Variants in NSUN3 observed in about 807,000 individuals in gnomAD.
NSUN3 encodes the protein NOP2/Sun RNA methyltransferase 3.
In NSUN3, 24 loss-of-function variants were observed where a neutral mutation model predicts 36.8. That is an observed-to-expected ratio of 0.65 (90% CI 0.47 to 0.92). The LOEUF (loss-of-function observed/expected upper bound fraction) is 0.92, where lower values mean the gene tolerates loss of function less well. NSUN3 is among the 40% of genes least tolerant of loss of function. The pLI, the probability that NSUN3 is intolerant of heterozygous loss-of-function variation, is 0.00. For synonymous variants in NSUN3, 146 were observed against 145.2 expected (o/e 1.01, Z -0.04); for missense variants, 381 against 392.8 (o/e 0.97, Z 0.25).
intron 5 of NSUN3, among the ~76,000 whole-genome samples, chr3:94,124,119 A>T (rs192007372): frequency 6.7e-6 from 1 of 150,258 alleles, no homozygotes; most frequent in African/African-American, 2.4e-5. Context: ...AAACAATAGA[A>T]GTTTATTTTC....
chr3:94,122,147 C>T (rs147946360), intron 5 of NSUN3, among the ~76,000 whole-genome samples: 43 of 144,964 alleles, frequency 3.0e-4, no homozygotes, highest in Non-Finnish European at 4.5e-5. Flanking sequence ...CTCATCCCCC[C>T]ACCTAAAAAA....
chr3:94,089,130 T>A (rs1281230009), intron 3 of NSUN3, among the ~76,000 whole-genome samples: 1 of 152,218 alleles, frequency 6.6e-6, no homozygotes, highest in Non-Finnish European at 1.5e-5. Context: ...TGTTCTTTTG[T>A]GAATTTGTAA....
In NSUN3 at chr3:94,064,564, C is replaced by G. The variant is rs1278587510; in HGVS notation, c.122+18C>G. On this transcript the variant is annotated intron_variant, in intron 2 of 5. Coordinates refer to ENST00000314622, the MANE Select transcript of NSUN3 (RefSeq NM_022072.5). ...ACAGTAAGGTTAGTATAATTCATCTCGATGCTTTATGATGGAACAAAGTAC... is the reference window on the plus strand; with the variant it reads ...ACAGTAAGGTTAGTATAATTCATCTGGATGCTTTATGATGGAACAAAGTAC... 1 of 1,414,632 alleles carries G rather than the reference C, an allele frequency of 7.1e-7. No individual in the cohort carries two copies. Among genetic ancestry groups the G allele is most frequent in the Non-Finnish European group, 1.0e-6 (1 of 999,628 alleles). 87.6% of individuals were successfully genotyped at this position (1,414,632 alleles called of 1,614,324 possible). A position where few individuals can be genotyped will look rare whatever the true frequency, so the allele number is the denominator to read the frequency against.
chr3:94,089,548 A>G lies in NSUN3; in HGVS notation c.467-4592A>G, dbSNP rs116040957. 8.9e-3 allele frequency among the ~76,000 whole-genome samples: 1,353 copies of G among 152,316 alleles called. 7 individuals carry two copies. The highest frequency in any genetic ancestry group is 0.013 in the Non-Finnish European group (887 of 68,026). ...TCTGGGGGCATTCCACTGAAAAGGGAAGAAAGCCTCAGGTGAGCATGCATA... is the reference window on the plus strand; with the variant it reads ...TCTGGGGGCATTCCACTGAAAAGGGGAGAAAGCCTCAGGTGAGCATGCATA... On this transcript the variant is annotated intron_variant, in intron 3 of 5. Coordinates refer to ENST00000314622, the MANE Select transcript of NSUN3 (RefSeq NM_022072.5).
At position 94,129,561 on chromosome 3, in the gene NSUN3, G is replaced by A. The variant is rs1166225973; in HGVS notation, c.*3071G>A. Among the ~76,000 whole-genome samples the A allele has an allele frequency of 1.3e-5, 2 of 151,988 alleles. No individual in the cohort carries two copies. The highest frequency in any genetic ancestry group is 2.9e-5 in the Non-Finnish European group (2 of 68,004). ...TGGGTACTGCACTCACTACCTGGGT[G>A]ACGGGATCGTCTGTACCCCAAACCT... On this transcript the variant is annotated 3_prime_UTR_variant, in exon 6 of 6. Coordinates refer to ENST00000314622, the MANE Select transcript of NSUN3 (RefSeq NM_022072.5).
intron 2 of NSUN3, among the ~76,000 whole-genome samples, chr3:94,073,250 CT>C (rs1395179894): frequency 6.6e-6 from 1 of 152,188 alleles, no homozygotes; most frequent in Non-Finnish European, 1.5e-5. Flanking sequence ...GTGAATAGTG[CT>C]GCAATAAACA....
At chr3:94,066,436 T>C (rs577817098) in intron 2 of NSUN3, among the ~76,000 whole-genome samples, 45 of 152,346 alleles carry the variant, frequency 3.0e-4, no homozygotes, top group African/African-American at 1.1e-3. Flanking sequence ...ACTTGTAGAG[T>C]CTACTTCCAG....
intron 2 of NSUN3, 46 bp downstream of exon 2, chr3:94,064,592 T>C: frequency 8.7e-7 from 1 of 1,152,990 alleles, no homozygotes; most frequent in Non-Finnish European, 1.3e-6. Flanking sequence ...CAAAGTACAA[T>C]ATGTAGTCCT....
chr3:94,070,145 T>C (rs1383521208), intron 2 of NSUN3, among the ~76,000 whole-genome samples: 1 of 152,156 alleles, frequency 6.6e-6, no homozygotes, highest in African/African-American at 2.4e-5. Context: ...AGAGAATGAA[T>C]GAATGTTGAC....
Position 94,127,501 on chromosome 3 carries a change from T to G in NSUN3, c.*1011T>G, listed in dbSNP as rs1417450613. 2 of 152,228 alleles carry G rather than the reference T, an allele frequency of 1.3e-5. No homozygotes were observed. The highest frequency in any genetic ancestry group is 1.3e-4 in the Admixed American group (2 of 15,284). 9.4% of individuals were successfully genotyped at this position (152,228 alleles called of 1,614,324 possible). ...GTGCCATTTACTAAGTGGCTCTCCA[T>G]GTTTACATAAATCCTGGGAATACTG... is the stretch of plus-strand genomic sequence containing the variant. On this transcript the variant is annotated 3_prime_UTR_variant, in exon 6 of 6. Transcript: ENST00000314622.
rs1008120073 is a variant in NSUN3, at chr3:94,131,312, G to T, written c.*4822G>T. 6.6e-6 allele frequency among the ~76,000 whole-genome samples: 1 copy of T among 152,094 alleles called. No individual in the cohort carries two copies. The highest frequency in any genetic ancestry group is 6.6e-5 in the Admixed American group (1 of 15,262). On this transcript the variant is annotated 3_prime_UTR_variant, in exon 6 of 6. Coordinates refer to ENST00000314622, the MANE Select transcript of NSUN3 (RefSeq NM_022072.5). ...TTTTACTTAATATTTCATAGTTAAA[G>T]GGTAGAGCCGCGATCAAAACTGGCT...
chr3:94,087,595 T>C lies in NSUN3; in HGVS notation c.466+3145T>C, dbSNP rs34188351. Among the ~76,000 whole-genome samples the C allele has an allele frequency of 5.6e-3, 850 of 152,332 alleles. 5 individuals are homozygous for C. The highest frequency in any genetic ancestry group is 0.014 in the Middle Eastern group (4 of 294). ...CATATTAACTAAGGATGACCCAGCT[T>C]GGTAGATTGTCTTAGTCAACTTTCT... On this transcript the variant is annotated intron_variant, in intron 3 of 5. Transcript: ENST00000314622.
intron 5 of NSUN3, among the ~76,000 whole-genome samples, chr3:94,098,638 A>G (rs974368084): frequency 6.6e-5 from 10 of 152,182 alleles, no homozygotes; most frequent in Non-Finnish European, 1.5e-5. Flanking sequence ...TCATTGTCTC[A>G]GGACTCCTAC....
chr3:94,085,857 T>C (rs1347709731), intron 3 of NSUN3, among the ~76,000 whole-genome samples: 6 of 152,108 alleles, frequency 3.9e-5, no homozygotes, highest in Non-Finnish European at 8.8e-5. Flanking sequence ...ATTTTAAAGA[T>C]CTATTAGGTA....
chr3:94,069,272 C>T (rs961866357), intron 2 of NSUN3, among the ~76,000 whole-genome samples: 8 of 152,152 alleles, frequency 5.3e-5, no homozygotes, highest in African/African-American at 1.4e-4. Context: ...AAGGAAGATC[C>T]ATTGCCAAAA....
chr3:94,067,576 A>G (rs1215147094), intron 2 of NSUN3, among the ~76,000 whole-genome samples: 3 of 152,018 alleles, frequency 2.0e-5, no homozygotes, highest in Non-Finnish European at 2.9e-5. Flanking sequence ...GACCTTCCCA[A>G]TCTCTTATCT....
At chr3:94,073,116 C>T (rs543987651) in intron 2 of NSUN3, among the ~76,000 whole-genome samples, 12 of 152,184 alleles carry the variant, frequency 7.9e-5, no homozygotes, top group South Asian at 2.1e-4. Context: ...TCCATGTCCC[C>T]GCGAAGGACG....
At chr3:94,121,808 C>A (rs2077463287) in intron 5 of NSUN3, among the ~76,000 whole-genome samples, 1 of 152,068 alleles carries the variant, frequency 6.6e-6, no homozygotes. Context: ...CAGGGAATAC[C>A]TTTTCTAGAG....
chr3:94,125,103 C>T (rs989970494), intron 5 of NSUN3, among the ~76,000 whole-genome samples: 5 of 152,142 alleles, frequency 3.3e-5, no homozygotes, highest in African/African-American at 4.8e-5. Flanking sequence ...TCTTCTTGAT[C>T]CTTTTTCATG....
Sources: allele counts gnomAD v4.1 joint callset (sites outside exome capture counted in the v4.1 genomes callset), GRCh38; gene constraint gnomAD v4.1.1; transcripts MANE v1.5; gene names NCBI Gene and HGNC (gene_info 2026-07-23, HGNC 2026-07-21).